The following CAST variants were observed in gnomAD, a reference collection of about 807,000 sequenced individuals.
CAST encodes MIR583 host.
Under a neutral mutation model 119.6 loss-of-function variants are expected in CAST, and 76 were observed. The ratio of observed to expected loss-of-function variants is 0.64; its 90% CI spans 0.53 to 0.77. The LOEUF (loss-of-function observed/expected upper bound fraction) is 0.77, where lower values mean the gene tolerates loss of function less well. Ranked by LOEUF, CAST falls within the 30% of genes least tolerant of loss-of-function variation. The pLI is 0.00. For synonymous variants in CAST, 319 were observed against 331.6 expected, an observed-to-expected ratio of 0.96 and a Z score of 0.41; for missense variants, 953 against 946.5, an observed-to-expected ratio of 1.01 and a Z score of -0.09.
At chr5:96,506,123 A>G in the CAST span, among the ~76,000 whole-genome samples, 1 of 152,252 alleles carries the variant, frequency 6.6e-6, no homozygotes, top group African/African-American at 2.4e-5. Context: ...TGGGATAATG[A>G]GAGGCTGCAC....
At chr5:96,602,104 A>G (rs572124551) in intron 1 of CAST, among the ~76,000 whole-genome samples, 11 of 152,198 alleles carry the variant, frequency 7.2e-5, no homozygotes, top group African/African-American at 2.2e-4. Context: ...ACAATAGAGT[A>G]GGGTCCCTCT....
chr5:96,430,728 G>C, the CAST span, among the ~76,000 whole-genome samples: 2 of 152,140 alleles, frequency 1.3e-5, no homozygotes, highest in Non-Finnish European at 2.9e-5. Context: ...TGTTAAGTTT[G>C]TTTTAAAACT....
chr5:96,704,123 A>G (rs1216062016), intron 3 of CAST, among the ~76,000 whole-genome samples: 2 of 152,180 alleles, frequency 1.3e-5, no homozygotes, highest in Admixed American at 1.3e-4. Flanking sequence ...GAGGCTGACT[A>G]GGGATCCCGT....
At chr5:96,019,930 T>C in the CAST span, among the ~76,000 whole-genome samples, 2 of 152,260 alleles carry the variant, frequency 1.3e-5, no homozygotes, top group Non-Finnish European at 2.9e-5. Flanking sequence ...TTACCGCTTA[T>C]TAAGCATGTG....
At chr5:95,961,837 G>C in the CAST span, 7 of 1,354,738 alleles carry the variant, frequency 5.2e-6, no homozygotes, top group Non-Finnish European at 4.9e-6. Context: ...CGCTGCTGAC[G>C]TACTGTCATA....
the CAST span, among the ~76,000 whole-genome samples, chr5:96,259,884 C>CT: frequency 0.12 from 16,294 of 141,400 alleles, 1,024 homozygotes; most frequent in East Asian, 0.22. Flanking sequence ...GATTACATTG[C>CT]TTTTTTTTTT....
the CAST span, among the ~76,000 whole-genome samples, chr5:96,067,872 TAA>T: frequency 0.015 from 2,195 of 143,536 alleles, 43 homozygotes; most frequent in African/African-American, 0.053. Flanking sequence ...AGTTTTCCCT[TAA>T]AAAAAAAAAA....
chr5:96,388,080 G>A, the CAST span, among the ~76,000 whole-genome samples: 1 of 152,226 alleles, frequency 6.6e-6, no homozygotes, highest in East Asian at 1.9e-4. Flanking sequence ...GAGAGAGAAA[G>A]TGCTTTATGG....
chr5:96,462,850 G>C, the CAST span, among the ~76,000 whole-genome samples: 7 of 152,070 alleles, frequency 4.6e-5, no homozygotes, highest in Middle Eastern at 3.2e-3. Context: ...GGTTTTATAA[G>C]TGTTCGGCGG....
chr5:96,301,536 G>T, the CAST span, among the ~76,000 whole-genome samples: 28 of 152,166 alleles, frequency 1.8e-4, no homozygotes, highest in Admixed American at 5.9e-4. Flanking sequence ...CTATAAGGCT[G>T]TACAATCAAA....
chr5:96,192,732 A>T, the CAST span, among the ~76,000 whole-genome samples: 1 of 152,220 alleles, frequency 6.6e-6, no homozygotes, highest in Non-Finnish European at 1.5e-5. Context: ...GTGAGGAGTG[A>T]CATTCCAAGC....
the CAST span, among the ~76,000 whole-genome samples, chr5:96,194,431 G>A: frequency 6.6e-6 from 1 of 152,198 alleles, no homozygotes; most frequent in African/African-American, 2.4e-5. Flanking sequence ...ATCTTATGAT[G>A]TGATGGGTGT....
At chr5:96,642,382 G>A (rs1229345594) in intron 1 of CAST, among the ~76,000 whole-genome samples, 2 of 152,176 alleles carry the variant, frequency 1.3e-5, no homozygotes, top group African/African-American at 4.8e-5. Context: ...CTTCCAAGAA[G>A]AAATAGCCTG....
chr5:96,189,742 T>C, the CAST span, among the ~76,000 whole-genome samples: 3 of 152,306 alleles, frequency 2.0e-5, no homozygotes, highest in East Asian at 5.8e-4. Context: ...TATAAATTTT[T>C]GATTTTTGCA....
Position 96,742,753 on chromosome 5 carries a change from T to G in CAST, c.1197T>G (p.Asp399Glu). The change falls in exon 16 of 32, where the codon GAT becomes GAG. Residue 399 changes from aspartate (D) to glutamate (E), a missense_variant. By Grantham distance (45) the Asp-to-Glu change is conservative. Transcript: ENST00000675179. ...ACCTCCGCTCAATTAAGGAAGTCGA[T>G]GAGGTACTGACCTTAGAGTTGATTT... Reference protein sequence around the residue: ...ELDLRSIKEVDEAKAKEEKLE... With the variant: ...ELDLRSIKEVEEAKAKEEKLE... 1 of 1,609,210 alleles carries G rather than the reference T, an allele frequency of 6.2e-7. No individual in the cohort carries two copies. Among genetic ancestry groups the G allele is most frequent in the East Asian group, 2.2e-5 (1 of 44,850 alleles).
chr5:96,492,029 T>C, the CAST span, among the ~76,000 whole-genome samples: 1 of 152,284 alleles, frequency 6.6e-6, no homozygotes, highest in Admixed American at 6.5e-5. Flanking sequence ...TCTGGGATGC[T>C]GGTAATATTC....
chr5:96,068,705 TA>T, the CAST span, among the ~76,000 whole-genome samples: 16 of 151,538 alleles, frequency 1.1e-4, no homozygotes, highest in African/African-American at 3.6e-4. Flanking sequence ...ATATGTATAT[TA>T]ATTTACATAT....
chr5:96,089,855 A>G, the CAST span, among the ~76,000 whole-genome samples: 1 of 152,218 alleles, frequency 6.6e-6, no homozygotes, highest in Non-Finnish European at 1.5e-5. Context: ...ATGATAAGTA[A>G]ATAGAAGATG....
chr5:96,393,194 C>G, the CAST span: 424,550 of 1,613,804 alleles, frequency 0.26, 57,039 homozygotes, highest in South Asian at 0.3. Context: ...GAGCTTTGCA[C>G]TTGGGGACTT....
Sources: allele counts gnomAD v4.1 joint callset (sites outside exome capture counted in the v4.1 genomes callset), GRCh38; gene constraint gnomAD v4.1.1; transcripts MANE v1.5; gene names NCBI Gene and HGNC (gene_info 2026-07-23, HGNC 2026-07-21).